UFD1: variants seen among roughly 807,000 people sequenced by gnomAD.
UFD1 encodes the protein ubiquitin recognition factor in ER associated degradation 1, also known as ubiquitin recognition factor in ER-associated degradation protein 1.
A neutral mutation model predicts 45.9 loss-of-function variants in UFD1; 13 were observed. The ratio of observed to expected loss-of-function variants is 0.28; its 90% CI spans 0.18 to 0.45. The LOEUF (loss-of-function observed/expected upper bound fraction) is 0.45. Ranked by LOEUF, UFD1 falls within the 20% of genes least tolerant of loss-of-function variation. The probability of loss-of-function intolerance (pLI) is 1.00; values close to 1 mark genes in which losing one functional copy is unlikely to be tolerated. For synonymous variants in UFD1, 128 were observed against 139.2 expected (o/e 0.92, Z 0.56); for missense variants, 218 against 389.2 (o/e 0.56, Z 3.70).
chr22:19,471,800 T>C lies in UFD1; in HGVS notation c.178A>G (p.Asn60Asp). ...TTGAACAGCATGGGATAGGTAATGT[T>C]AAGTCGGCCTGAAAATAAGAGAGAG... ...PSALDQLSRL[N>D]ITYPMLFKLT... The change falls in exon 4 of 12, where the codon AAC (asparagine) becomes GAC (aspartate). Residue 60 changes from asparagine to aspartate, a missense_variant. This residue lies in a region of UFD1 where 149 missense variants were observed against 307.5 expected (regional missense o/e 0.48). Coordinates refer to ENST00000263202, the MANE Select transcript of UFD1 (RefSeq NM_005659.7). The C allele has an allele frequency of 6.2e-7, 1 of 1,613,556 alleles. No individual in the cohort carries two copies. The highest frequency in any genetic ancestry group is 8.5e-7 in the Non-Finnish European group (1 of 1,179,612).
chr22:19,479,008 CGCCCT>C (rs1386783379), intron 1 of UFD1, 70 bp downstream of exon 1: 3 of 1,414,862 alleles, frequency 2.1e-6, no homozygotes, highest in South Asian at 2.4e-5. Context: ...CGTCCCGCCC[CGCCCT>C]GCCCCGCCGG....
At chr22:19,458,739 G>A (rs1046782484) in intron 6 of UFD1, among the ~76,000 whole-genome samples, 2 of 152,078 alleles carry the variant, frequency 1.3e-5, no homozygotes, top group Admixed American at 6.6e-5. Flanking sequence ...CACCGCACTC[G>A]GCCTTCGAAA....
At chr22:19,454,453 A>G in intron 11 of UFD1, 1 of 713,760 alleles carries the variant, frequency 1.4e-6, no homozygotes, top group Non-Finnish European at 1.9e-6. Context: ...AAGTCTCATG[A>G]GATCTGATGG....
chr22:19,470,567 A>T, intron 4 of UFD1: 2 of 360,330 alleles, frequency 5.6e-6, no homozygotes, highest in South Asian at 4.1e-5. Flanking sequence ...TCGGTCTCCC[A>T]AGTAGCTAGG....
Position 19,467,911 on chromosome 22 carries a change from C to T in UFD1, c.384G>A (p.Gln128=). The T allele has an allele frequency of 6.2e-7, 1 of 1,614,160 alleles. No homozygotes were observed. Among genetic ancestry groups the T allele is most frequent in the Non-Finnish European group, 8.5e-7 (1 of 1,180,028 alleles). Residue 128 remains glutamine (Q), a synonymous_variant, in exon 5 of 12, where the codon CAG becomes CAA. Coordinates refer to ENST00000263202, the MANE Select transcript of UFD1 (RefSeq NM_005659.7). ...TGGTGATGTCCAGGAAGTCAGGGCT[C>T]TGAGGTTGGAATTTGGAGTAGGTGG... ...QVATYSKFQP[Q]SPDFLDITNP... is the part of the protein sequence containing the mutation.
chr22:19,471,508 G>T, intron 4 of UFD1, 179 bp downstream of exon 4: 2 of 974,800 alleles, frequency 2.1e-6, no homozygotes, highest in Non-Finnish European at 3.2e-6. Flanking sequence ...GAGCCCACCA[G>T]CCCGCATAAG....
chr22:19,465,062 A>G (rs1166016842), intron 6 of UFD1, 140 bp downstream of exon 6: 1 of 762,058 alleles, frequency 1.3e-6, no homozygotes, highest in Non-Finnish European at 2.2e-6. Flanking sequence ...GAACCCGGGA[A>G]AACTTAATAA....
intron 9 of UFD1, 35 bp downstream of exon 9, chr22:19,456,552 G>T: frequency 6.2e-7 from 1 of 1,613,918 alleles, no homozygotes; most frequent in Non-Finnish European, 8.5e-7. Context: ...GGAGCAGAGG[G>T]CACAGCAATA....
intron 4 of UFD1, chr22:19,471,333 A>G (rs1317252568): frequency 3.6e-6 from 2 of 555,790 alleles, no homozygotes; most frequent in Admixed American, 3.8e-5. Flanking sequence ...GTAGGGGAAA[A>G]GCATAAAAAC....
chr22:19,451,283 G>A (rs1462764257), intron 11 of UFD1: 4 of 985,468 alleles, frequency 4.1e-6, no homozygotes, highest in Non-Finnish European at 4.8e-6. Flanking sequence ...ACTGAATTCT[G>A]TAAAAAAGAA....
chr22:19,451,362 C>T (rs762608536), intron 11 of UFD1: 143 of 985,346 alleles, frequency 1.5e-4, no homozygotes, highest in Middle Eastern at 1.0e-3. Flanking sequence ...AATGTATTTG[C>T]ACACAACTCT....
At chr22:19,455,651 G>A (rs749013750) in intron 10 of UFD1, 29 bp downstream of exon 10, 4 of 1,609,408 alleles carry the variant, frequency 2.5e-6, no homozygotes, top group East Asian at 2.2e-5. Context: ...TCCTCCTCCT[G>A]TCCTGGAGGA....
chr22:19,454,078 T>C (rs369013155), intron 11 of UFD1: 2 of 985,606 alleles, frequency 2.0e-6, no homozygotes, highest in East Asian at 1.1e-4. Flanking sequence ...AGGTGCTGCC[T>C]ATATTTGAAG....
intron 6 of UFD1, among the ~76,000 whole-genome samples, chr22:19,462,961 T>C (rs2089777927): frequency 6.6e-6 from 1 of 152,250 alleles, no homozygotes; most frequent in African/African-American, 2.4e-5. Context: ...TGATGATAGT[T>C]ACTTGATACT....
intron 5 of UFD1, 90 bp from the exon 6 acceptor site, chr22:19,465,364 G>A: frequency 8.9e-7 from 1 of 1,122,464 alleles, no homozygotes; most frequent in Non-Finnish European, 1.3e-6. Context: ...GGTAGGTAGA[G>A]ACTGTACCAT....
At chr22:19,458,909 A>G (rs1031044603) in intron 6 of UFD1, among the ~76,000 whole-genome samples, 2 of 152,148 alleles carry the variant, frequency 1.3e-5, no homozygotes, top group African/African-American at 4.8e-5. Context: ...TAACCTACCA[A>G]ACATCATAGT....
intron 6 of UFD1, among the ~76,000 whole-genome samples, chr22:19,463,639 T>C (rs1569329081): frequency 6.6e-6 from 1 of 152,260 alleles, no homozygotes; most frequent in East Asian, 1.9e-4. Context: ...CCTCTGTGTA[T>C]ATTTTACTGC....
In UFD1 at chr22:19,465,236, G is replaced by C. The variant is rs867907221; in HGVS notation, c.461C>G (p.Thr154Ser). 1.2e-6 allele frequency: 2 copies of C among 1,614,042 alleles called. No individual in the cohort carries two copies. The highest frequency in any genetic ancestry group is 1.7e-6 in the Non-Finnish European group (2 of 1,180,048). ...NALRNFACLTTGDVIAINYNE... is the reference protein window; with the variant it reads ...NALRNFACLTSGDVIAINYNE... ...ATAGTTGATGGCAATCACATCCCCG[G>C]TGGTCAGACAGGCAAAGTTCCTAAG... The change falls in exon 6 of 12, where the codon ACC becomes AGC. Residue 154 changes from threonine (T) to serine (S), a missense_variant. Physicochemically the swap from Thr to Ser is moderately conservative, Grantham distance 58. This residue lies in a region of UFD1 where 149 missense variants were observed against 307.5 expected (regional missense o/e 0.48). Transcript: ENST00000263202.
At chr22:19,460,099 A>G (rs898434640) in intron 6 of UFD1, among the ~76,000 whole-genome samples, 1 of 152,048 alleles carries the variant, frequency 6.6e-6, no homozygotes, top group African/African-American at 2.4e-5. Flanking sequence ...TAAAAAAAAA[A>G]CCTAAGCAGG....
Sources: gnomAD v4.1 joint callset for allele counts (sites outside exome capture counted in the v4.1 genomes callset) on GRCh38, gnomAD v4.1.1 for gene constraint, gnomAD v4.1.1 regional missense constraint, MANE v1.5 for transcripts, NCBI Gene and HGNC (gene_info 2026-07-23, HGNC 2026-07-21) for gene names.